The following NR3C1 variants were observed in gnomAD, a reference collection of about 807,000 sequenced individuals.
NR3C1 encodes glucocorticoid receptor.
In NR3C1, 14 loss-of-function variants were observed where a neutral mutation model predicts 74.0. The ratio of observed to expected loss-of-function variants is 0.19; its 90% CI spans 0.12 to 0.30. NR3C1 has a LOEUF of 0.30. Among genes scored for constraint, NR3C1 ranks in the 10% least tolerant of loss-of-function variants. The probability of loss-of-function intolerance (pLI) is 1.00; values close to 1 mark genes in which losing one functional copy is unlikely to be tolerated. For synonymous variants in NR3C1, 308 were observed against 332.5 expected (o/e 0.93, Z 0.80); for missense variants, 695 against 909.8 (o/e 0.76, Z 3.04).
chr5:143,300,444 C>CA lies in NR3C1; in HGVS notation c.1747+40dup. ...CAAAGTGTTTTTGCTGAAGAAAACA[C>CA]AAAGGTTTATATAGTTGCTCTTTTA... On this transcript the variant is annotated intron_variant, in intron 5 of 8. Coordinates refer to ENST00000394464, the MANE Select transcript of NR3C1 (RefSeq NM_000176.3). This position sits in a 1 kb window ranked among gnomAD's most constrained non-coding sequence, Gnocchi z 5.2. 1 of 1,613,544 alleles carries CA rather than the reference C, an allele frequency of 6.2e-7. No individual in the cohort carries two copies. Among genetic ancestry groups the CA allele is most frequent in the South Asian group, 1.1e-5 (1 of 91,048 alleles).
At chr5:143,337,299 G>A (rs911921149) in intron 2 of NR3C1, among the ~76,000 whole-genome samples, 7 of 152,124 alleles carry the variant, frequency 4.6e-5, no homozygotes, top group African/African-American at 1.4e-4. Flanking sequence ...AAATTAAAAC[G>A]ACAATAAAAT....
intron 1 of NR3C1, among the ~76,000 whole-genome samples, chr5:143,402,122 T>C (rs1352481989): frequency 1.3e-5 from 2 of 152,136 alleles, no homozygotes; most frequent in Admixed American, 6.5e-5. Flanking sequence ...CTACAAATCT[T>C]GAGGGTAAAC....
intron 2 of NR3C1, among the ~76,000 whole-genome samples, chr5:143,368,957 C>T (rs1833777278): frequency 1.3e-5 from 2 of 152,132 alleles, no homozygotes; most frequent in Non-Finnish European, 2.9e-5. Flanking sequence ...GCTGAGCTTA[C>T]TAGATTAGTT....
chr5:143,385,590 C>T (rs1837046752), intron 2 of NR3C1, among the ~76,000 whole-genome samples: 1 of 152,200 alleles, frequency 6.6e-6, no homozygotes, highest in South Asian at 2.1e-4. Flanking sequence ...TCATCTCTCT[C>T]AAGTTCAAAG....
chr5:143,291,795 C>A (rs562840043), intron 7 of NR3C1, among the ~76,000 whole-genome samples: 1 of 152,290 alleles, frequency 6.6e-6, no homozygotes, highest in East Asian at 1.9e-4. Context: ...TTCCTTACAG[C>A]ATTCCTTAGC....
chr5:143,403,563 C>T lies in NR3C1; in HGVS notation c.-366G>A. On this transcript the variant is annotated 5_prime_UTR_variant, in exon 1 of 9. Transcript: ENST00000394464. ...ACGGGCAGGCGGTGACTCGGGCTCCCGTCACAGACACGAGCTCGCAAAATG... is the reference window on the plus strand; with the variant it reads ...ACGGGCAGGCGGTGACTCGGGCTCCTGTCACAGACACGAGCTCGCAAAATG... The T allele has an allele frequency of 2.0e-6, 2 of 986,004 alleles. No individual in the cohort carries two copies. The highest frequency in any genetic ancestry group is 2.4e-6 in the Non-Finnish European group (2 of 830,466). 61.1% of individuals were successfully genotyped at this position (986,004 alleles called of 1,614,324 possible).
At chr5:143,428,063 A>G (rs1277657875) in intron 1 of NR3C1, among the ~76,000 whole-genome samples, 1 of 152,176 alleles carries the variant, frequency 6.6e-6, no homozygotes, top group Non-Finnish European at 1.5e-5. Context: ...GGGCTTTTTG[A>G]CTTAATATGT....
chr5:143,288,118 AT>A (rs869233990), intron 7 of NR3C1, among the ~76,000 whole-genome samples: 283 of 141,234 alleles, frequency 2.0e-3, no homozygotes, highest in Admixed American at 2.3e-3. Flanking sequence ...AACAACTGGA[AT>A]TTTTTTTTTT....
At chr5:143,404,659 A>C, upstream of NR3C1, 1 of 335,778 alleles carries the variant, frequency 3.0e-6, no homozygotes, top group Non-Finnish European at 4.2e-6. Context: ...ACCTCCAGCG[A>C]GCTGGATTTC....
chr5:143,292,854 T>C (rs1174170619), intron 7 of NR3C1, among the ~76,000 whole-genome samples: 1 of 152,188 alleles, frequency 6.6e-6, no homozygotes, highest in East Asian at 1.9e-4. Flanking sequence ...TGTCTATTCT[T>C]CTAGATTTTG....
intron 2 of NR3C1, among the ~76,000 whole-genome samples, chr5:143,349,665 T>C (rs556122901): frequency 4.5e-4 from 69 of 152,336 alleles, no homozygotes; most frequent in Non-Finnish European, 1.8e-4. Context: ...ACTTACCCTC[T>C]TCCTGTTCTC....
chr5:143,308,185 T>C (rs1599825509), intron 4 of NR3C1, among the ~76,000 whole-genome samples: 1 of 152,100 alleles, frequency 6.6e-6, no homozygotes, highest in Non-Finnish European at 1.5e-5. Flanking sequence ...CATAGGTCAG[T>C]TGCAGTGGCT....
intron 2 of NR3C1, among the ~76,000 whole-genome samples, chr5:143,341,084 G>T (rs968398250): frequency 6.6e-6 from 1 of 152,146 alleles, no homozygotes. Flanking sequence ...TCTTTCAGAG[G>T]TTTGATAAGC....
Position 143,348,716 on chromosome 5 carries a change from A to AT in NR3C1, c.1185-34549dup, listed in dbSNP as rs1253093298. ...ACCTTACGAAGAAAGTACATGTATCATAAGTTTTGATCAGACATGATTTAT... is the reference window on the plus strand; with the variant it reads ...ACCTTACGAAGAAAGTACATGTATCATTAAGTTTTGATCAGACATGATTTAT... On this transcript the variant is annotated intron_variant, in intron 2 of 8. Coordinates refer to ENST00000394464, the MANE Select transcript of NR3C1 (RefSeq NM_000176.3). Among the ~76,000 whole-genome samples, 9 of 152,306 alleles carry AT rather than the reference A, an allele frequency of 5.9e-5. No homozygotes were observed. In the East Asian group the frequency reaches 1.2e-3, roughly 20 times the overall value.
At chr5:143,413,787 A>G (rs1424166990) in intron 1 of NR3C1, among the ~76,000 whole-genome samples, 2 of 152,164 alleles carry the variant, frequency 1.3e-5, no homozygotes, top group Non-Finnish European at 2.9e-5. Context: ...TGATGGGCAA[A>G]GCCTAGCTCA....
chr5:143,411,515 T>C (rs1433098871), intron 1 of NR3C1, among the ~76,000 whole-genome samples: 1 of 152,222 alleles, frequency 6.6e-6, no homozygotes, highest in African/African-American at 2.4e-5. Flanking sequence ...GAATGACTTC[T>C]TTGCTGATTG....
upstream of NR3C1, among the ~76,000 whole-genome samples, chr5:143,408,155 T>C (rs1841177026): frequency 6.6e-6 from 1 of 152,230 alleles, no homozygotes. Flanking sequence ...TTCTTTAGTG[T>C]GTGTATAAAC....
chr5:143,305,574 T>C (rs1445620712), intron 4 of NR3C1, among the ~76,000 whole-genome samples: 1 of 152,158 alleles, frequency 6.6e-6, no homozygotes, highest in Non-Finnish European at 1.5e-5. Context: ...ACAAAAAGAA[T>C]GAAATCACGT....
At chr5:143,402,874 G>C (rs1209249358) in intron 1 of NR3C1, 2 of 970,848 alleles carry the variant, frequency 2.1e-6, no homozygotes, top group Non-Finnish European at 2.4e-6. Flanking sequence ...GGAGGGAAAG[G>C]GGACACTAGG....
Sources: allele counts gnomAD v4.1 joint callset (sites outside exome capture counted in the v4.1 genomes callset), GRCh38; gene constraint gnomAD v4.1.1; non-coding constraint Gnocchi (gnomAD v3.1); transcripts MANE v1.5; gene names NCBI Gene and HGNC (gene_info 2026-07-23, HGNC 2026-07-21).